Variants in SPIDR observed in about 807,000 individuals in gnomAD.
SPIDR encodes the protein scaffold protein involved in DNA repair, also known as DNA repair-scaffolding protein.
A neutral mutation model predicts 104.6 loss-of-function variants in SPIDR; 93 were observed. That is an observed-to-expected ratio of 0.89 (90% CI 0.75 to 1.06). The LOEUF is 1.06. Among genes scored for constraint, SPIDR ranks in the 50% least tolerant of loss-of-function variants. The probability of loss-of-function intolerance (pLI) is 0.00; values close to 1 mark genes in which losing one functional copy is unlikely to be tolerated. For synonymous variants in SPIDR, 431 were observed against 416.9 expected (o/e 1.03, Z -0.41); for missense variants, 1,154 against 1,111.2 (o/e 1.04, Z -0.55).
chr8:47,439,842 C>T (rs556086339), intron 7 of SPIDR, among the ~76,000 whole-genome samples: 76 of 152,304 alleles, frequency 5.0e-4, no homozygotes, highest in Non-Finnish European at 8.4e-4. Flanking sequence ...CATAACTCTT[C>T]AACTGTTAGC....
At chr8:47,628,075 TC>T (rs35686553) in intron 10 of SPIDR, among the ~76,000 whole-genome samples, 1 of 152,148 alleles carries the variant, frequency 6.6e-6, no homozygotes, top group African/African-American at 2.4e-5. Flanking sequence ...ATGCAGGAAC[TC>T]CCTAGGTGCT....
chr8:47,394,238 G>GC (rs2060984262), intron 5 of SPIDR, among the ~76,000 whole-genome samples: 1 of 152,002 alleles, frequency 6.6e-6, no homozygotes, highest in East Asian at 1.9e-4. Flanking sequence ...CTTTCCCTGT[G>GC]CCCCTCTTGG....
At chr8:47,268,490 A>G (rs1344502463) in intron 1 of SPIDR, among the ~76,000 whole-genome samples, 1 of 152,128 alleles carries the variant, frequency 6.6e-6, no homozygotes, top group South Asian at 2.1e-4. Context: ...TTTAATTTCT[A>G]TCTATGTTTT....
intron 3 of SPIDR, among the ~76,000 whole-genome samples, chr8:47,289,537 C>T (rs2039515112): frequency 6.6e-6 from 1 of 152,048 alleles, no homozygotes; most frequent in Non-Finnish European, 1.5e-5. Context: ...TTTGATTCTG[C>T]CAAGATGAAA....
intron 7 of SPIDR, among the ~76,000 whole-genome samples, chr8:47,438,922 C>T (rs1483906909): frequency 6.6e-6 from 1 of 151,996 alleles, no homozygotes; most frequent in Non-Finnish European, 1.5e-5. Flanking sequence ...ATCTTAGCAC[C>T]GTCTAAATAT....
At chr8:47,501,947 T>C (rs1029964842) in intron 8 of SPIDR, among the ~76,000 whole-genome samples, 3 of 152,216 alleles carry the variant, frequency 2.0e-5, no homozygotes, top group African/African-American at 7.2e-5. Context: ...GGATTATGTT[T>C]ATTGATTTGT....
chr8:47,528,672 G>A (rs2085411756), intron 8 of SPIDR, among the ~76,000 whole-genome samples: 1 of 152,064 alleles, frequency 6.6e-6, no homozygotes, highest in South Asian at 2.1e-4. Context: ...TGCCTTCGAT[G>A]GGCTCATCAG....
At chr8:47,305,322 C>G (rs2042924991) in intron 5 of SPIDR, among the ~76,000 whole-genome samples, 1 of 152,122 alleles carries the variant, frequency 6.6e-6, no homozygotes, top group Non-Finnish European at 1.5e-5. Context: ...GAGACTCAGG[C>G]ACATTTGTGA....
intron 8 of SPIDR, among the ~76,000 whole-genome samples, chr8:47,502,511 T>C (rs1198431717): frequency 6.6e-6 from 1 of 152,164 alleles, no homozygotes; most frequent in African/African-American, 2.4e-5. Flanking sequence ...TTTTATTGCG[T>C]CTATTTGATT....
intron 5 of SPIDR, among the ~76,000 whole-genome samples, chr8:47,391,055 A>G (rs565440133): frequency 2.6e-5 from 4 of 152,196 alleles, no homozygotes; most frequent in Non-Finnish European, 1.5e-5. Context: ...TGTTTCTCAC[A>G]GTCGGGCTTA....
intron 8 of SPIDR, among the ~76,000 whole-genome samples, chr8:47,475,297 G>T (rs1395580727): frequency 1.3e-5 from 2 of 152,216 alleles, no homozygotes; most frequent in South Asian, 2.1e-4. Context: ...CCCAGGGCAT[G>T]CCCTGCCGGG....
At chr8:47,309,741 T>C (rs1489127241) in intron 5 of SPIDR, among the ~76,000 whole-genome samples, 1 of 152,148 alleles carries the variant, frequency 6.6e-6, no homozygotes, top group East Asian at 1.9e-4. Context: ...TGTGTAATGT[T>C]AAAAAGTAGT....
intron 8 of SPIDR, among the ~76,000 whole-genome samples, chr8:47,507,472 G>A (rs184712952): frequency 5.3e-5 from 8 of 152,352 alleles, no homozygotes; most frequent in East Asian, 3.9e-4. Flanking sequence ...TGCTCATATC[G>A]TGTTGCTCCA....
At chr8:47,421,143 C>T (rs1300658760) in intron 7 of SPIDR, among the ~76,000 whole-genome samples, 2 of 152,140 alleles carry the variant, frequency 1.3e-5, no homozygotes, top group Non-Finnish European at 2.9e-5. Context: ...TTTGCTGAAT[C>T]TGAATTTTGG....
chr8:47,730,321 A>G (rs566614584), intron 19 of SPIDR, among the ~76,000 whole-genome samples: 2 of 152,302 alleles, frequency 1.3e-5, no homozygotes, highest in African/African-American at 4.8e-5. Flanking sequence ...TAGAGATGCC[A>G]CCTGTGTCTT....
At chr8:47,507,287 A>C (rs974411042) in intron 8 of SPIDR, among the ~76,000 whole-genome samples, 1 of 152,216 alleles carries the variant, frequency 6.6e-6, no homozygotes, top group African/African-American at 2.4e-5. Flanking sequence ...GTGCCCATAA[A>C]GCGTCTTCCC....
chr8:47,492,946 TTCTACTTCCCAATGAAGTC>T (rs2078942862), intron 8 of SPIDR, among the ~76,000 whole-genome samples: 1 of 152,002 alleles, frequency 6.6e-6, no homozygotes, highest in South Asian at 2.1e-4. Flanking sequence ...ACATCTCAAA[TTCTACTTCCCAATGAAGTC>T]TCTACTGATA....
At chr8:47,307,528 A>G (rs1269984876) in intron 5 of SPIDR, among the ~76,000 whole-genome samples, 1 of 88,838 alleles carries the variant, frequency 1.1e-5, no homozygotes, top group Non-Finnish European at 2.3e-5. Flanking sequence ...CTCTTTTCTC[A>G]TTTCGTTTTT....
chr8:47,575,406 G>A (rs2058960192), intron 8 of SPIDR, among the ~76,000 whole-genome samples: 2 of 152,084 alleles, frequency 1.3e-5, no homozygotes, highest in South Asian at 4.1e-4. Context: ...CACTTTGGGA[G>A]GCCGAGGCGG....
Sources: gnomAD v4.1 joint callset for allele counts (sites outside exome capture counted in the v4.1 genomes callset) on GRCh38, gnomAD v4.1.1 for gene constraint, MANE v1.5 for transcripts, NCBI Gene and HGNC (gene_info 2026-07-23, HGNC 2026-07-21) for gene names.